ARID1B: variants seen among roughly 807,000 people sequenced by gnomAD.
The protein encoded by ARID1B is AT-rich interaction domain 1B.
ARID1B carries 30 observed loss-of-function variants against 212.3 expected under a neutral mutation model. The ratio of observed to expected loss-of-function variants is 0.14; its 90% CI spans 0.11 to 0.19. ARID1B has a LOEUF of 0.19. Among genes scored for constraint, ARID1B ranks in the 10% least tolerant of loss-of-function variants. The pLI, the probability that ARID1B is intolerant of heterozygous loss-of-function variation, is 1.00. For synonymous variants in ARID1B, 1,402 were observed against 1,301.7 expected (o/e 1.08, Z -1.66); for missense variants, 2,891 against 3,204.0 (o/e 0.90, Z 2.36).
At chr6:156,971,952 C>A (rs1776960955) in intron 4 of ARID1B, among the ~76,000 whole-genome samples, 1 of 152,144 alleles carries the variant, frequency 6.6e-6, no homozygotes, top group African/African-American at 2.4e-5. Context: ...GTCCTTCCTG[C>A]ACTTGAGGCT....
At chr6:156,968,867 G>T (rs1442449523) in intron 4 of ARID1B, among the ~76,000 whole-genome samples, 2 of 152,230 alleles carry the variant, frequency 1.3e-5, no homozygotes, top group Non-Finnish European at 2.9e-5. Context: ...GATTTTTGTT[G>T]TGAATGGTTA....
intron 4 of ARID1B, among the ~76,000 whole-genome samples, chr6:157,030,785 T>G (rs558117368): frequency 6.6e-6 from 1 of 152,326 alleles, no homozygotes; most frequent in South Asian, 2.1e-4. Flanking sequence ...ATCAAATGCT[T>G]TTTGATTGCA....
At chr6:157,032,256 C>T (rs1781063062) in intron 4 of ARID1B, among the ~76,000 whole-genome samples, 1 of 152,154 alleles carries the variant, frequency 6.6e-6, no homozygotes, top group Non-Finnish European at 1.5e-5. Flanking sequence ...TGAGCATTTT[C>T]CCGTGTTACA....
chr6:156,777,244 C>G (rs2114946202), upstream of ARID1B: 1 of 150,676 alleles, frequency 6.6e-6, no homozygotes, highest in East Asian at 2.0e-4. Context: ...AGCCCAAGCC[C>G]GGCTGGGTCC....
chr6:157,122,576 G>A (rs1787807323), intron 6 of ARID1B, among the ~76,000 whole-genome samples: 1 of 152,380 alleles, frequency 6.6e-6, no homozygotes, highest in South Asian at 2.1e-4. Context: ...GCTTGCCCGG[G>A]TCGGGCTCAT....
At chr6:156,806,330 C>T (rs1781153640) in intron 1 of ARID1B, among the ~76,000 whole-genome samples, 2 of 152,226 alleles carry the variant, frequency 1.3e-5, no homozygotes, top group African/African-American at 4.8e-5. Context: ...CCTTACCGTG[C>T]CACTGAGTTG....
At chr6:156,819,794 G>A (rs1782228298) in intron 1 of ARID1B, among the ~76,000 whole-genome samples, 1 of 152,182 alleles carries the variant, frequency 6.6e-6, no homozygotes, top group Non-Finnish European at 1.5e-5. Flanking sequence ...GTTCAGGGAG[G>A]GCTCCTCTAA....
chr6:157,127,187 C>G (rs1181783554), intron 6 of ARID1B, among the ~76,000 whole-genome samples: 1 of 152,172 alleles, frequency 6.6e-6, no homozygotes, highest in Admixed American at 6.5e-5. Flanking sequence ...TCATAGACAC[C>G]TATAGCTGGA....
intron 4 of ARID1B, among the ~76,000 whole-genome samples, chr6:157,012,378 G>A (rs908860838): frequency 4.6e-5 from 7 of 152,242 alleles, no homozygotes; most frequent in Admixed American, 2.6e-4. Context: ...GGAGTGGGCC[G>A]ATAAGGCAGT....
intron 3 of ARID1B, among the ~76,000 whole-genome samples, chr6:156,917,334 A>G (rs979876847): frequency 6.6e-6 from 1 of 152,206 alleles, no homozygotes; most frequent in African/African-American, 2.4e-5. Flanking sequence ...AAACCATTTT[A>G]TGAGCCCCTT....
At chr6:156,885,687 A>G (rs563575381) in intron 2 of ARID1B, among the ~76,000 whole-genome samples, 12 of 152,246 alleles carry the variant, frequency 7.9e-5, no homozygotes, top group Non-Finnish European at 1.8e-4. Context: ...ACTTTGAAAT[A>G]TGTTGATATT....
chr6:157,047,813 T>TA (rs1782339485), intron 4 of ARID1B, among the ~76,000 whole-genome samples: 2 of 152,186 alleles, frequency 1.3e-5, no homozygotes, highest in Admixed American at 6.5e-5. Flanking sequence ...CTAGTAATAA[T>TA]AAAAATGCAT....
intron 1 of ARID1B, among the ~76,000 whole-genome samples, chr6:156,796,216 G>A (rs536171810): frequency 6.6e-6 from 1 of 152,110 alleles, no homozygotes; most frequent in South Asian, 2.1e-4. Context: ...ATTGTTTATG[G>A]TAATGTATCA....
chr6:156,798,022 C>T (rs1780514833), intron 1 of ARID1B, among the ~76,000 whole-genome samples: 1 of 152,218 alleles, frequency 6.6e-6, no homozygotes, highest in African/African-American at 2.4e-5. Flanking sequence ...CATTTCGTCA[C>T]TGGTGACCTT....
chr6:157,097,467 A>G (rs78672847), intron 5 of ARID1B, among the ~76,000 whole-genome samples: 3,696 of 152,170 alleles, frequency 0.024, 73 homozygotes, highest in Non-Finnish European at 0.041. Context: ...CCTCGTACCT[A>G]CAGGGCACAG....
At chr6:156,916,832 A>G (rs891096154) in intron 3 of ARID1B, among the ~76,000 whole-genome samples, 1 of 152,108 alleles carries the variant, frequency 6.6e-6, no homozygotes, top group Non-Finnish European at 1.5e-5. Context: ...CTGTTAAGGC[A>G]CACATTTCTC....
chr6:157,018,237 G>GA (rs1447431931), intron 4 of ARID1B, among the ~76,000 whole-genome samples: 1 of 27,224 alleles, frequency 3.7e-5, no homozygotes, highest in Non-Finnish European at 7.4e-5. Flanking sequence ...TTTTTTTTGA[G>GA]ATACAGTCTT....
intron 4 of ARID1B, among the ~76,000 whole-genome samples, chr6:156,962,419 A>G (rs925599435): frequency 3.9e-5 from 6 of 152,216 alleles, no homozygotes; most frequent in Admixed American, 3.3e-4. Context: ...AATTTTAGAA[A>G]AAGTTTTCCA....
intron 2 of ARID1B, among the ~76,000 whole-genome samples, chr6:156,879,094 G>A (rs1269788735): frequency 1.3e-5 from 2 of 152,244 alleles, no homozygotes; most frequent in East Asian, 1.9e-4. Context: ...AGCCTATCCC[G>A]GCTGTGCCCT....
Sources: allele counts gnomAD v4.1 joint callset (sites outside exome capture counted in the v4.1 genomes callset), GRCh38; gene constraint gnomAD v4.1.1; transcripts MANE v1.5; gene names NCBI Gene and HGNC (gene_info 2026-07-23, HGNC 2026-07-21).